DMD: variants seen among roughly 807,000 people sequenced by gnomAD.
DMD encodes the protein mutant dystrophin.
A neutral mutation model predicts 330.1 loss-of-function variants in DMD; 63 were observed. The observed-to-expected ratio is 0.19, with a 90% CI of 0.16 to 0.24. The LOEUF (loss-of-function observed/expected upper bound fraction) is 0.24. Among genes scored for constraint, DMD ranks in the 10% least tolerant of loss-of-function variants. DMD has a pLI of 1.00. For synonymous variants in DMD, 1,223 were observed against 959.8 expected, an observed-to-expected ratio of 1.27 and a Z score of -5.07; for missense variants, 3,344 against 2,684.1, an observed-to-expected ratio of 1.25 and a Z score of -5.43.
chrX:31,735,471 T>C (rs946166270), intron 51 of DMD, among the ~76,000 whole-genome samples: 4 of 111,893 alleles, frequency 3.6e-5, no homozygotes, highest in Non-Finnish European at 7.5e-5. Context: ...CCTGAATGTG[T>C]AACTGTCAAT....
In DMD at chrX:31,609,211, G is replaced by A. The variant is rs371656972; in HGVS notation, c.8217+18462C>T. 7.2e-5 allele frequency among the ~76,000 whole-genome samples: 8 copies of A among 111,352 alleles called. No homozygotes were observed. In the East Asian group the frequency reaches 2.3e-3, roughly 31 times the overall value. On this transcript the variant is annotated intron_variant, in intron 55 of 78. Transcript: ENST00000357033. Reference sequence around the variant, plus strand: ...GGCAATCCTTTAACAGCGGATGTGAGTATAGGCAGACTGATGCAATGTCTA... The same window carrying A: ...GGCAATCCTTTAACAGCGGATGTGAATATAGGCAGACTGATGCAATGTCTA...
rs754176290 is a variant in DMD at position 32,595,876 on chromosome X, C to T, written c.1483G>A (p.Val495Met). 2.5e-6 allele frequency: 3 copies of T among 1,185,969 alleles called. No individual in the cohort carries two copies. The highest frequency in any genetic ancestry group is 3.4e-6 in the Non-Finnish European group (3 of 873,850). The change falls in exon 13 of 79, where the codon GTG (valine) becomes ATG (methionine). Residue 495 changes from valine (V) to methionine (M), a missense_variant and splice_region_variant. By Grantham distance (21) the Val-to-Met change is conservative. Coordinates refer to ENST00000357033, the MANE Select transcript of DMD (RefSeq NM_004006.3). ...DLKRQVQQHK[V>M]LQEDLEQEQV... ...TCTTGTTCTAGATCTTCTTGAAGCA[C>T]CTGAAAGATAAAATGTTTTAAAGGA...
At chrX:31,205,679 C>T (rs2043993213) in intron 66 of DMD, among the ~76,000 whole-genome samples, 1 of 112,263 alleles carries the variant, frequency 8.9e-6, no homozygotes, top group Non-Finnish European at 1.9e-5. Context: ...TGAGAAAACT[C>T]AAGTGGAAAC....
chrX:31,951,729 T>A (rs2095182881), intron 45 of DMD, among the ~76,000 whole-genome samples: 1 of 111,385 alleles, frequency 9.0e-6, no homozygotes, highest in African/African-American at 3.2e-5. Context: ...TTTAAAGAAG[T>A]TAAAAGAAGA....
intron 57 of DMD, among the ~76,000 whole-genome samples, chrX:31,490,364 C>T (rs991422720): frequency 3.6e-5 from 4 of 111,307 alleles, no homozygotes; most frequent in South Asian, 3.8e-4. Context: ...AGATCGAGAC[C>T]ATCCTGGCTA....
intron 54 of DMD, among the ~76,000 whole-genome samples, chrX:31,646,391 T>C (rs963635936): frequency 3.6e-5 from 4 of 111,352 alleles, no homozygotes; most frequent in African/African-American, 1.3e-4. Context: ...AATTTTAATA[T>C]GCATAGAAAT....
rs139635883 is a variant in DMD at position 32,501,215 on chromosome X, T to C, written c.2380+540A>G. Reference sequence around the variant, plus strand: ...ACTTGGCTAGCTTTGTGCTTTTATCTCACTCTAAAAAAGTTACTTAAAAGT... The same window carrying C: ...ACTTGGCTAGCTTTGTGCTTTTATCCCACTCTAAAAAAGTTACTTAAAAGT... On this transcript the variant is annotated intron_variant, in intron 19 of 78. Transcript: ENST00000357033. Among the ~76,000 whole-genome samples the C allele has an allele frequency of 4.2e-3, 472 of 111,845 alleles. 10 individuals are homozygous for C. Among genetic ancestry groups the C allele is most frequent in the Middle Eastern group, 0.028 (6 of 215 alleles).
intron 55 of DMD, among the ~76,000 whole-genome samples, chrX:31,528,897 G>A (rs751576903): frequency 2.2e-4 from 25 of 111,398 alleles, no homozygotes; most frequent in Non-Finnish European, 4.3e-4. Flanking sequence ...TTGGGAGGCC[G>A]AGGTAGGAGT....
At chrX:32,002,882 C>G (rs773581467) in intron 44 of DMD, among the ~76,000 whole-genome samples, 1 of 111,302 alleles carries the variant, frequency 9.0e-6, no homozygotes, top group South Asian at 3.7e-4. Flanking sequence ...TGGTAAGCCC[C>G]AAAGCATTTT....
chrX:33,216,265 T>C (rs1200823884), upstream of DMD, among the ~76,000 whole-genome samples: 1 of 111,611 alleles, frequency 9.0e-6, no homozygotes, highest in Non-Finnish European at 1.9e-5. Flanking sequence ...TGCATGGTCA[T>C]GAAAAAGAAT....
At chrX:32,778,279 G>A (rs1387044704) in intron 7 of DMD, among the ~76,000 whole-genome samples, 2 of 109,313 alleles carry the variant, frequency 1.8e-5, no homozygotes, top group Non-Finnish European at 3.8e-5. Flanking sequence ...TTTCGTCTAG[G>A]GTGAGGGAAA....
intron 1 of DMD, among the ~76,000 whole-genome samples, chrX:33,195,253 A>G (rs1242262079): frequency 2.7e-5 from 3 of 111,417 alleles, no homozygotes; most frequent in Non-Finnish European, 5.6e-5. Context: ...CCTTCAGGAA[A>G]CCTCCAACAA....
In DMD at chrX:33,201,334, C is replaced by T. The variant is rs376505659; in HGVS notation, c.31+9948G>A. Among the ~76,000 whole-genome samples, 4 of 111,774 alleles carry T rather than the reference C, an allele frequency of 3.6e-5. No homozygotes were observed. In the East Asian group the frequency reaches 8.4e-4, roughly 23 times the overall value. Reference sequence around the variant, plus strand: ...TACATCTTGAATAATTCTGTTCCATCACGATCTCTGACATTATTTTTAAAT... The same window carrying T: ...TACATCTTGAATAATTCTGTTCCATTACGATCTCTGACATTATTTTTAAAT... On this transcript the variant is annotated intron_variant, in intron 1 of 78. Coordinates refer to ENST00000357033, the MANE Select transcript of DMD (RefSeq NM_004006.3).
chrX:32,997,548 T>C (rs143713236), intron 2 of DMD, among the ~76,000 whole-genome samples: 4,018 of 111,969 alleles, frequency 0.036, 128 homozygotes, highest in East Asian at 0.2. Context: ...CCGGCCCCTC[T>C]CACCTTTTGA....
In DMD at chrX:32,518,058, C is replaced by A; in HGVS notation, c.2242G>T (p.Ala748Ser). The change falls in exon 18 of 79, where the codon GCA (alanine) becomes TCA (serine). Residue 748 changes from alanine (A) to serine (S), a missense_variant. By Grantham distance (99) the Ala-to-Ser change is moderately conservative. Transcript: ENST00000357033. Reference sequence around the variant, plus strand: ...AAGTTGCCTTCCTTCCGAAAGATTGCAAATTCAGGACTCTGCAACACAGCT... The same window carrying A: ...AAGTTGCCTTCCTTCCGAAAGATTGAAAATTCAGGACTCTGCAACACAGCT... ...SEAVLQSPEF[A>S]IFRKEGNFSD... The A allele has an allele frequency of 8.3e-7, 1 of 1,210,082 alleles. No homozygotes were observed. Among genetic ancestry groups the A allele is most frequent in the Non-Finnish European group, 1.1e-6 (1 of 894,073 alleles).
At chrX:33,318,667 G>C (rs1331766912) in intron 1 of DMD, among the ~76,000 whole-genome samples, 1 of 108,707 alleles carries the variant, frequency 9.2e-6, no homozygotes, top group Non-Finnish European at 1.9e-5. Flanking sequence ...AGCTGGTCTC[G>C]AACTCCTGAC....
intron 60 of DMD, among the ~76,000 whole-genome samples, chrX:31,383,658 T>G (rs2060297678): frequency 8.9e-6 from 1 of 111,948 alleles, no homozygotes; most frequent in Non-Finnish European, 1.9e-5. Context: ...CCCTCCATCC[T>G]GTGCCTGTAA....
chrX:31,922,272 A>C (rs188316855), intron 47 of DMD, among the ~76,000 whole-genome samples: 9 of 111,353 alleles, frequency 8.1e-5, no homozygotes, highest in Admixed American at 2.8e-4. Flanking sequence ...AGGGCATGGA[A>C]GCTCCATGCC....
At chrX:33,275,892 G>A (rs112847465) in intron 1 of DMD, among the ~76,000 whole-genome samples, 1,860 of 111,161 alleles carry the variant, frequency 0.017, 38 homozygotes, top group African/African-American at 0.059. Flanking sequence ...GTATGTTTAC[G>A]TACATATACA....
Sources: allele counts gnomAD v4.1 joint callset (sites outside exome capture counted in the v4.1 genomes callset), GRCh38; gene constraint gnomAD v4.1.1; transcripts MANE v1.5; gene names NCBI Gene and HGNC (gene_info 2026-07-23, HGNC 2026-07-21).